Variants in SLC39A14 observed in about 807,000 individuals in gnomAD.
SLC39A14 encodes solute carrier family 39 member 14.
SLC39A14 carries 19 observed loss-of-function variants against 45.5 expected under a neutral mutation model. That is an observed-to-expected ratio of 0.42 (90% CI 0.29 to 0.61). SLC39A14 has a LOEUF of 0.61. Among genes scored for constraint, SLC39A14 ranks in the 20% least tolerant of loss-of-function variants. The probability of loss-of-function intolerance (pLI) is 0.22; values close to 1 mark genes in which losing one functional copy is unlikely to be tolerated. For missense variants in SLC39A14, 447 were observed against 616.5 expected (o/e 0.73, Z 2.91); for synonymous variants, 264 against 251.3 (o/e 1.05, Z -0.48).
intron 1 of SLC39A14, among the ~76,000 whole-genome samples, chr8:22,371,249 A>G (rs1037289467): frequency 6.6e-6 from 1 of 151,836 alleles, no homozygotes; most frequent in African/African-American, 2.4e-5. Context: ...ACCTCCCTCC[A>G]AGGGCAGGCC....
intron 2 of SLC39A14, among the ~76,000 whole-genome samples, chr8:22,407,123 C>T (rs1325316940): frequency 6.6e-6 from 1 of 152,192 alleles, no homozygotes; most frequent in Non-Finnish European, 1.5e-5. Context: ...GTTTTCCTCC[C>T]CTAACCTCTG....
intron 1 of SLC39A14, among the ~76,000 whole-genome samples, chr8:22,369,211 A>G (rs1352030227): frequency 1.3e-5 from 2 of 152,290 alleles, no homozygotes; most frequent in African/African-American, 4.8e-5. Flanking sequence ...CCAAAGGGCC[A>G]GGCCAAAAGC....
intron 8 of SLC39A14, among the ~76,000 whole-genome samples, chr8:22,429,002 G>A (rs1359910090): frequency 6.6e-6 from 1 of 152,106 alleles, no homozygotes; most frequent in East Asian, 1.9e-4. Flanking sequence ...GCCAGGCGTG[G>A]TGGCTCACGC....
chr8:22,423,403 T>C (rs186074096), downstream of SLC39A14, among the ~76,000 whole-genome samples: 341 of 151,708 alleles, frequency 2.2e-3, 7 homozygotes, highest in East Asian at 0.056. Context: ...TGGCACGATC[T>C]CGGCTCACTG....
intron 1 of SLC39A14, among the ~76,000 whole-genome samples, chr8:22,371,292 G>C (rs1832913746): frequency 6.6e-6 from 1 of 152,050 alleles, no homozygotes; most frequent in African/African-American, 2.4e-5. Flanking sequence ...GGAATGAGAA[G>C]GTGAATGCCC....
chr8:22,421,944 C>A lies in SLC39A14; in HGVS notation c.*2246C>A. 1.0e-6 allele frequency: 1 copy of A among 985,428 alleles called. No homozygotes were observed. The highest frequency in any genetic ancestry group is 1.2e-6 in the Non-Finnish European group (1 of 829,922). The allele number at this position is 985,428 out of a possible 1,614,324, so 61.0% of individuals were successfully genotyped here. A position where few individuals can be genotyped will look rare whatever the true frequency, so the allele number is the denominator to read the frequency against. ...GCCTCAAAGGGAAATCCTCTTTAAA[C>A]CGTAGTTGGCGCAGAGGTCAGTCCT... is the stretch of plus-strand genomic sequence containing the variant. On this transcript the variant is annotated 3_prime_UTR_variant, in exon 9 of 9. Transcript: ENST00000381237.
intron 1 of SLC39A14, among the ~76,000 whole-genome samples, chr8:22,398,519 C>T (rs1021018676): frequency 2.0e-5 from 3 of 150,798 alleles, no homozygotes; most frequent in African/African-American, 7.3e-5. Context: ...TGGTGAGTTC[C>T]CTGGCCAGCA....
At position 22,414,924 on chromosome 8, in the gene SLC39A14, A is replaced by G. The variant is rs200629082; in HGVS notation, c.750+22A>G. ...TGAGGTGAGGCCCAATTGTTGCTGA[A>G]GAAAGCTCTTCTAGGGAAAACACCC... On this transcript the variant is annotated intron_variant, in intron 5 of 8. Transcript: ENST00000381237. The G allele has an allele frequency of 3.2e-5, 52 of 1,609,474 alleles. No homozygotes were observed. In the East Asian group the frequency reaches 7.4e-4, roughly 23 times the overall value.
At chr8:22,414,295 G>A (rs1004802968) in intron 4 of SLC39A14, among the ~76,000 whole-genome samples, 3 of 152,108 alleles carry the variant, frequency 2.0e-5, no homozygotes, top group African/African-American at 7.2e-5. Context: ...TTAGGAAAAC[G>A]CTGCAGTTCT....
chr8:22,374,162 A>G (rs1216701941), intron 1 of SLC39A14, among the ~76,000 whole-genome samples: 1 of 152,080 alleles, frequency 6.6e-6, no homozygotes, highest in Non-Finnish European at 1.5e-5. Flanking sequence ...TGGCATGGGA[A>G]CCCTCAATGG....
chr8:22,428,498 C>T (rs983187319), intron 8 of SLC39A14, among the ~76,000 whole-genome samples: 1 of 146,562 alleles, frequency 6.8e-6, no homozygotes, highest in African/African-American at 2.5e-5. Flanking sequence ...GCTGTAGTGC[C>T]GTGGTACGAT....
chr8:22,385,750 A>G (rs1432002352), intron 1 of SLC39A14, among the ~76,000 whole-genome samples: 3 of 152,228 alleles, frequency 2.0e-5, no homozygotes, highest in Admixed American at 1.3e-4. Flanking sequence ...TAATCCTAGC[A>G]CTTTGGGAGG....
At chr8:22,399,190 T>C (rs1042502803) in intron 1 of SLC39A14, among the ~76,000 whole-genome samples, 3 of 152,186 alleles carry the variant, frequency 2.0e-5, no homozygotes, top group Non-Finnish European at 4.4e-5. Context: ...GAATGGAACC[T>C]GGCGTGGGGC....
In SLC39A14 at chr8:22,416,664, T is replaced by G. The variant is rs188334024; in HGVS notation, c.1147+384T>G. ...GTTGGCCAGGCTGGTCTTGAACTCC[T>G]TACCTCGTGATCCGCCCGCCTCAGC... On this transcript the variant is annotated intron_variant, in intron 7 of 8. Coordinates refer to ENST00000381237, the MANE Select transcript of SLC39A14 (RefSeq NM_001128431.4). Among the ~76,000 whole-genome samples the G allele has an allele frequency of 6.0e-3, 906 of 151,886 alleles. 10 individuals carry two copies. Among genetic ancestry groups the G allele is most frequent in the African/African-American group, 0.02 (831 of 41,440 alleles).
At position 22,412,092 on chromosome 8, in the gene SLC39A14, G is replaced by A; in HGVS notation, c.513G>A (p.Gly171=). 6.4e-7 allele frequency: 1 copy of A among 1,551,588 alleles called. No homozygotes were observed. Among genetic ancestry groups the A allele is most frequent in the Non-Finnish European group, 8.7e-7 (1 of 1,146,930 alleles). Residue 171 remains glycine (G), a synonymous_variant, in exon 4 of 9, where the codon GGG becomes GGA. Coordinates refer to ENST00000381237, the MANE Select transcript of SLC39A14 (RefSeq NM_001128431.4). The part of the protein sequence containing the change: ...VTVISLCSLL[G]ASVVPFMKKT... ...TCATCTCCCTCTGCTCCCTCCTGGG[G>A]GCCAGCGTGGTGCCCTTCATGAAGA...
chr8:22,411,945 C>T, intron 3 of SLC39A14, 92 bp from the exon 4 acceptor site: 4 of 1,256,552 alleles, frequency 3.2e-6, no homozygotes, highest in Non-Finnish European at 4.3e-6. Context: ...ATCTGCTCCA[C>T]CTTCCTCCCG....
At chr8:22,409,408 C>A (rs558688161) in intron 3 of SLC39A14, among the ~76,000 whole-genome samples, 17 of 151,738 alleles carry the variant, frequency 1.1e-4, no homozygotes, top group East Asian at 5.8e-4. Context: ...TTGAGACAGA[C>A]TTTCGCTCTT....
At chr8:22,374,703 C>T (rs1157040916) in intron 1 of SLC39A14, among the ~76,000 whole-genome samples, 9 of 150,268 alleles carry the variant, frequency 6.0e-5, no homozygotes, top group Admixed American at 4.6e-4. Context: ...GACTTGCCAG[C>T]AGCCCTCTGT....
chr8:22,379,554 A>T (rs1179138946), intron 1 of SLC39A14: 1 of 152,210 alleles, frequency 6.6e-6, no homozygotes, highest in Admixed American at 6.5e-5. Flanking sequence ...TGTCCTTAAG[A>T]TCCAGACACT....
Sources: gnomAD v4.1 joint callset for allele counts (sites outside exome capture counted in the v4.1 genomes callset) on GRCh38, gnomAD v4.1.1 for gene constraint, MANE v1.5 for transcripts, NCBI Gene and HGNC (gene_info 2026-07-23, HGNC 2026-07-21) for gene names.